Variants in PTPN22 observed in about 807,000 individuals in gnomAD.
PTPN22 encodes the protein protein tyrosine phosphatase non-receptor type 22.
Under a neutral mutation model 103.3 loss-of-function variants are expected in PTPN22, and 85 were observed. That is an observed-to-expected ratio of 0.82 (90% CI 0.69 to 0.99). The LOEUF (loss-of-function observed/expected upper bound fraction) is 0.99, where lower values mean the gene tolerates loss of function less well. PTPN22 is among the 50% of genes least tolerant of loss of function. The pLI is 0.00. For synonymous variants in PTPN22, 323 were observed against 310.2 expected (o/e 1.04, Z -0.43); for missense variants, 865 against 936.9 (o/e 0.92, Z 1.00).
Position 113,817,303 on chromosome 1 carries a change from C to T in PTPN22, c.2359+2274G>A, listed in dbSNP as rs567644927. ...AATTCTCAGTAGCTTAAAACAGTTT[C>T]GAGCTACCTTTTTTTGCATGTGGGC... On this transcript the variant is annotated intron_variant, in intron 20 of 20. Transcript: ENST00000359785. Among the ~76,000 whole-genome samples the T allele has an allele frequency of 1.1e-3, 165 of 152,266 alleles. 1 individual carries two copies. The highest frequency in any genetic ancestry group is 1.6e-3 in the Non-Finnish European group (107 of 68,010).
At chr1:113,864,277 C>A (rs1331445728) in intron 1 of PTPN22, 1 of 452,486 alleles carries the variant, frequency 2.2e-6, no homozygotes, top group East Asian at 7.2e-5. Flanking sequence ...GTAATCTCAG[C>A]ACTTTGGGAG....
intron 18 of PTPN22, chr1:113,828,962 C>T (rs1480875697): frequency 1.3e-5 from 2 of 152,144 alleles, no homozygotes; most frequent in Non-Finnish European, 2.9e-5. Context: ...TGAGGCTTTG[C>T]CATATTCGAA....
intron 19 of PTPN22, among the ~76,000 whole-genome samples, chr1:113,821,166 A>G (rs1403087230): frequency 6.6e-6 from 1 of 152,190 alleles, no homozygotes; most frequent in Non-Finnish European, 1.5e-5. Flanking sequence ...GCTGAAAGTT[A>G]TATACATCCT....
rs1208629675 is a variant in PTPN22 at position 113,849,938 on chromosome 1, G to A, written c.829-1312C>T. On this transcript the variant is annotated intron_variant, in intron 10 of 20. Transcript: ENST00000359785. Reference sequence around the variant, plus strand: ...GGGCTGGGCATGGTGGCTCACGCCTGTAATCCCAGCACTTTGGGAGGCCGA... The same window carrying A: ...GGGCTGGGCATGGTGGCTCACGCCTATAATCCCAGCACTTTGGGAGGCCGA... Among the ~76,000 whole-genome samples the A allele has an allele frequency of 7.3e-5, 11 of 151,154 alleles. No homozygotes were observed. The South Asian group carries it at 1.5e-3, about 21-fold the overall frequency.
At chr1:113,829,483 G>T in intron 18 of PTPN22, 109 bp downstream of exon 18, 5 of 568,720 alleles carry the variant, frequency 8.8e-6, no homozygotes, top group African/African-American at 3.8e-5. Context: ...TCAACAATTA[G>T]TTTTAATAAA....
chr1:113,859,206 G>A (rs562846473), intron 2 of PTPN22, 128 bp from the exon 3 acceptor site: 8 of 1,545,348 alleles, frequency 5.2e-6, no homozygotes, highest in Non-Finnish European at 7.0e-6. Context: ...ATGAATGAAT[G>A]AATATTCTTT....
chr1:113,834,655 C>G (rs1161374223), intron 14 of PTPN22, among the ~76,000 whole-genome samples: 1 of 152,062 alleles, frequency 6.6e-6, no homozygotes, highest in Non-Finnish European at 1.5e-5. Flanking sequence ...AACTCCTGGG[C>G]TCAAGTGATC....
In PTPN22 at chr1:113,837,881, G is replaced by A. The variant is rs909084859; in HGVS notation, c.1519C>T (p.His507Tyr). 3.1e-6 allele frequency: 5 copies of A among 1,614,000 alleles called. 1 individual carries two copies. In the Admixed American group the frequency reaches 8.3e-5, roughly 27 times the overall value. ...ACATTAGAGGCATTACGTATTTGGT[G>A]TTTAGAGTCATATGGCAGTGAATAA... The change falls in exon 13 of 21, where the codon CAC becomes TAC. Residue 507 changes from histidine (H) to tyrosine (Y), a missense_variant. This residue lies in a region of PTPN22 where 401 missense variants were observed against 388.6 expected (regional missense o/e 1.03). Coordinates refer to ENST00000359785, the Ensembl canonical transcript of PTPN22.
At chr1:113,845,557 A>G (rs924440428) in intron 11 of PTPN22, among the ~76,000 whole-genome samples, 2 of 152,192 alleles carry the variant, frequency 1.3e-5, no homozygotes, top group African/African-American at 4.8e-5. Flanking sequence ...GGCTCAGGAT[A>G]TACTCTATCT....
At chr1:113,869,464 A>C (rs1310101728) in intron 1 of PTPN22, among the ~76,000 whole-genome samples, 1 of 151,388 alleles carries the variant, frequency 6.6e-6, no homozygotes, top group Non-Finnish European at 1.5e-5. Context: ...GCTCTATCTC[A>C]GTTCACTGCA....
rs1410173336 is a variant in PTPN22 at position 113,857,783 on chromosome 1, G to A, written c.370-7C>T. 2.5e-6 allele frequency: 4 copies of A among 1,605,904 alleles called. No individual in the cohort carries two copies. Among genetic ancestry groups the A allele is most frequent in the Non-Finnish European group, 3.4e-6 (4 of 1,175,454 alleles). On this transcript the variant is annotated splice_polypyrimidine_tract_variant and splice_region_variant and intron_variant, in intron 4 of 20. Transcript: ENST00000359785. ...TGCATGCCATAACAATGATCTGGGG[G>A]ATGAAATAGATAGAAACTTAAACAT...
exon 2 of PTPN22, chr1:113,859,407 A>C: frequency 1.9e-6 from 3 of 1,614,034 alleles, no homozygotes; most frequent in Non-Finnish European, 2.5e-6. Context: ...TCTCAGCCAC[A>C]GTTGTAGGAT....
At chr1:113,837,136 G>A (rs1274534553) in intron 13 of PTPN22, among the ~76,000 whole-genome samples, 3 of 151,980 alleles carry the variant, frequency 2.0e-5, no homozygotes, top group Non-Finnish European at 2.9e-5. Context: ...GTATTTATTT[G>A]AGGAGTAGCA....
chr1:113,838,154 C>T, exon 13 of PTPN22: 1 of 1,614,082 alleles, frequency 6.2e-7, no homozygotes, highest in Non-Finnish European at 8.5e-7. Flanking sequence ...GAGCCCAAAT[C>T]CAAACTTTGA....
intron 5 of PTPN22, chr1:113,856,897 C>T: frequency 2.7e-6 from 1 of 364,276 alleles, no homozygotes; most frequent in Non-Finnish European, 5.1e-6. Flanking sequence ...AATCATATGT[C>T]TACTAAAACA....
At chr1:113,867,909 C>T (rs1558061507) in intron 1 of PTPN22, among the ~76,000 whole-genome samples, 1 of 152,170 alleles carries the variant, frequency 6.6e-6, no homozygotes, top group African/African-American at 2.4e-5. Context: ...CTTCAATTAC[C>T]AAAATCTGTG....
At chr1:113,827,020 T>G (rs1244657131) in intron 18 of PTPN22, among the ~76,000 whole-genome samples, 1 of 152,184 alleles carries the variant, frequency 6.6e-6, no homozygotes, top group Non-Finnish European at 1.5e-5. Flanking sequence ...TCTTCTTTAC[T>G]CCACATTTCT....
intron 11 of PTPN22, among the ~76,000 whole-genome samples, chr1:113,841,892 C>T (rs1219687397): frequency 2.0e-5 from 3 of 152,082 alleles, no homozygotes; most frequent in Admixed American, 1.3e-4. Context: ...CGTGAGCCAC[C>T]GCATACAGCC....
At chr1:113,863,667 C>A (rs1665822184) in intron 1 of PTPN22, among the ~76,000 whole-genome samples, 1 of 152,116 alleles carries the variant, frequency 6.6e-6, no homozygotes, top group African/African-American at 2.4e-5. Flanking sequence ...TTGTTGATAA[C>A]TGTTTGGTTA....
Sources: gnomAD v4.1 joint callset for allele counts (sites outside exome capture counted in the v4.1 genomes callset) on GRCh38, gnomAD v4.1.1 for gene constraint, gnomAD v4.1.1 regional missense constraint, MANE v1.5 for transcripts, NCBI Gene and HGNC (gene_info 2026-07-23, HGNC 2026-07-21) for gene names.